Variants in BCKDHB observed in about 807,000 individuals in gnomAD.
BCKDHB encodes the protein 2-oxoisovalerate dehydrogenase subunit beta, mitochondrial.
In BCKDHB, 41 loss-of-function variants were observed where a neutral mutation model predicts 48.5. The ratio of observed to expected loss-of-function variants is 0.85; its 90% confidence interval spans 0.66 to 1.10. The LOEUF is 1.10. Ranked by LOEUF, BCKDHB falls within the 50% of genes least tolerant of loss-of-function variation. The pLI is 0.00. For synonymous variants in BCKDHB, 201 were observed against 174.8 expected (o/e 1.15, Z -1.18); for missense variants, 496 against 494.2 (o/e 1.00, Z -0.03).
At chr6:80,271,727 A>AT (rs1777752553) in intron 8 of BCKDHB, among the ~76,000 whole-genome samples, 1 of 152,010 alleles carries the variant, frequency 6.6e-6, no homozygotes, top group African/African-American at 2.4e-5. Flanking sequence ...TTTCAGAGCT[A>AT]TAAGAGTGGT....
At chr6:80,169,853 A>G in intron 5 of BCKDHB, 2 of 1,607,528 alleles carry the variant, frequency 1.2e-6, no homozygotes, top group East Asian at 4.5e-5. Context: ...ATGTTGCCTG[A>G]TTTTTGAATG....
intron 7 of BCKDHB, among the ~76,000 whole-genome samples, chr6:80,202,399 C>T (rs1049098937): frequency 1.3e-5 from 2 of 152,104 alleles, no homozygotes; most frequent in Non-Finnish European, 2.9e-5. Flanking sequence ...TCCTTAAATA[C>T]GATTATGTCT....
chr6:80,393,433 G>A, the BCKDHB span, among the ~76,000 whole-genome samples: 5 of 152,256 alleles, frequency 3.3e-5, no homozygotes, highest in African/African-American at 1.2e-4. Flanking sequence ...TGTAAAAGAG[G>A]TCTGAGAGAG....
intron 9 of BCKDHB, among the ~76,000 whole-genome samples, chr6:80,320,361 G>A (rs1042288270): frequency 5.3e-5 from 8 of 152,088 alleles, no homozygotes; most frequent in Non-Finnish European, 1.2e-4. Flanking sequence ...GACCATTTCT[G>A]ACATAAAAGT....
At chr6:80,392,311 A>G in the BCKDHB span, among the ~76,000 whole-genome samples, 1 of 152,080 alleles carries the variant, frequency 6.6e-6, no homozygotes, top group Non-Finnish European at 1.5e-5. Context: ...TTTAAATAAC[A>G]TACAGAGATT....
Position 80,203,176 on chromosome 6 carries a change from G to A in BCKDHB, c.915G>A (p.Arg305=). Residue 305 remains arginine, a synonymous_variant, in exon 8 of 10, where the codon AGG becomes AGA. Transcript: ENST00000320393. The part of the protein sequence containing the change: ...LGVSCEVIDL[R]TIIPWDVDTI... ...TGTCTTGTGAAGTCATTGATCTGAG[G>A]ACTATAATACCTTGGGATGTGGACA... The A allele has an allele frequency of 6.2e-7, 1 of 1,611,922 alleles. No individual in the cohort carries two copies. Among genetic ancestry groups the A allele is most frequent in the Non-Finnish European group, 8.5e-7 (1 of 1,178,274 alleles).
At chr6:80,191,258 T>C (rs757821590) in intron 6 of BCKDHB, among the ~76,000 whole-genome samples, 1 of 152,210 alleles carries the variant, frequency 6.6e-6, no homozygotes, top group Non-Finnish European at 1.5e-5. Context: ...CTAATAAATA[T>C]AGCATGTATT....
Position 80,106,829 on chromosome 6 carries a change from G to A in BCKDHB, c.136G>A (p.Ala46Thr). The change falls in exon 1 of 10, where the codon GCC becomes ACC. Residue 46 changes from alanine (A) to threonine (T), a missense_variant. Ala to Thr is a moderately conservative substitution (Grantham distance 58). Coordinates refer to ENST00000320393, the MANE Select transcript of BCKDHB (RefSeq NM_183050.4). ...CCCCGCCGCGACTGTCGAGGATGCG[G>A]CCCAGAGGCGGCAGGTGGCTCATTT... ...LHPAATVEDA[A>T]QRRQVAHFTF... 6.2e-7 allele frequency: 1 copy of A among 1,610,042 alleles called. No homozygotes were observed. Among genetic ancestry groups the A allele is most frequent in the East Asian group, 2.2e-5 (1 of 44,756 alleles).
At chr6:80,459,175 C>T in the BCKDHB span, among the ~76,000 whole-genome samples, 4 of 152,128 alleles carry the variant, frequency 2.6e-5, no homozygotes, top group African/African-American at 9.7e-5. Flanking sequence ...GAGATATTAG[C>T]ACTCCTGTGT....
At chr6:80,295,622 GA>G (rs56998407) in intron 9 of BCKDHB, among the ~76,000 whole-genome samples, 99,231 of 136,472 alleles carry the variant, frequency 0.73, 35,678 homozygotes, top group Admixed American at 0.83. Context: ...CCTGTTACCA[GA>G]AAAAAAAAAA....
At chr6:80,190,929 TC>T (rs1773863939) in intron 6 of BCKDHB, among the ~76,000 whole-genome samples, 1 of 152,130 alleles carries the variant, frequency 6.6e-6, no homozygotes, top group Non-Finnish European at 1.5e-5. Context: ...TGACCGTTGT[TC>T]CACAGTGTAG....
chr6:80,284,941 A>G (rs1766557372), intron 9 of BCKDHB, among the ~76,000 whole-genome samples: 1 of 152,114 alleles, frequency 6.6e-6, no homozygotes, highest in Non-Finnish European at 1.5e-5. Context: ...CACTCAGACA[A>G]TGTTTTCTCT....
intron 3 of BCKDHB, among the ~76,000 whole-genome samples, chr6:80,163,905 C>T (rs547109836): frequency 1.3e-5 from 2 of 152,294 alleles, no homozygotes; most frequent in East Asian, 3.9e-4. Flanking sequence ...CCTTTTAGCT[C>T]TATCTTTAGA....
chr6:80,347,847 T>A (rs9343983), downstream of BCKDHB, among the ~76,000 whole-genome samples: 31,289 of 152,064 alleles, frequency 0.21, 3,732 homozygotes, highest in South Asian at 0.37. Context: ...CAAAATACAT[T>A]TTTGCATGAA....
chr6:80,427,736 A>T, the BCKDHB span, among the ~76,000 whole-genome samples: 1 of 152,176 alleles, frequency 6.6e-6, no homozygotes, highest in African/African-American at 2.4e-5. Flanking sequence ...ATACTATAGA[A>T]TTCTAGGCTT....
At chr6:80,356,254 A>G in the BCKDHB span, 1 of 152,102 alleles carries the variant, frequency 6.6e-6, no homozygotes, top group Non-Finnish European at 1.5e-5. Flanking sequence ...GAGCAAACAC[A>G]CTTTAAGTCC....
At position 80,127,115 on chromosome 6, in the gene BCKDHB, T is replaced by C. The variant is rs910094039; in HGVS notation, c.197-432T>C. ...AAAGTTTATCTTTACCCTTCCTTATTGTTTTATGGTCCATGACCATTTGCT... is the reference window on the plus strand; with the variant it reads ...AAAGTTTATCTTTACCCTTCCTTATCGTTTTATGGTCCATGACCATTTGCT... On this transcript the variant is annotated intron_variant, in intron 1 of 9. Transcript: ENST00000320393. Among the ~76,000 whole-genome samples the C allele has an allele frequency of 2.0e-5, 3 of 152,282 alleles. No homozygotes were observed. The East Asian group carries it at 5.8e-4, about 29-fold the overall frequency.
At chr6:80,373,151 CTCTT>C in the BCKDHB span, among the ~76,000 whole-genome samples, 12 of 152,030 alleles carry the variant, frequency 7.9e-5, no homozygotes, top group African/African-American at 2.9e-4. Flanking sequence ...TTAAGAGTCT[CTCTT>C]TATTTCTGGT....
chr6:80,177,362 TA>T (rs2127786644), intron 6 of BCKDHB, among the ~76,000 whole-genome samples: 1 of 138,146 alleles, frequency 7.2e-6, no homozygotes, highest in African/African-American at 2.7e-5. Flanking sequence ...AAAAATATAA[TA>T]AAAATCTCCA....
Sources: allele counts gnomAD v4.1 joint callset (sites outside exome capture counted in the v4.1 genomes callset), GRCh38; gene constraint gnomAD v4.1.1; transcripts MANE v1.5; gene names NCBI Gene and HGNC (gene_info 2026-07-23, HGNC 2026-07-21).